The following ARMC9 variants were observed in gnomAD, a reference collection of about 807,000 sequenced individuals.
The protein encoded by ARMC9 is armadillo repeat containing 9, also known as lisH domain-containing protein ARMC9.
A neutral mutation model predicts 107.0 loss-of-function variants in ARMC9; 94 were observed. That is an observed-to-expected ratio of 0.88 (90% CI 0.74 to 1.04). ARMC9 has a LOEUF of 1.04. Ranked by LOEUF, ARMC9 falls within the 50% of genes least tolerant of loss-of-function variation. The probability of loss-of-function intolerance (pLI) is 0.00; values close to 1 mark genes in which losing one functional copy is unlikely to be tolerated. For missense variants in ARMC9, 942 were observed against 1,030.1 expected, an observed-to-expected ratio of 0.91 and a Z score of 1.17; for synonymous variants, 380 against 396.9, an observed-to-expected ratio of 0.96 and a Z score of 0.51.
At chr2:231,222,947 A>AT in intron 6 of ARMC9, 127 bp downstream of exon 6, 1 of 571,340 alleles carries the variant, frequency 1.8e-6, no homozygotes. Context: ...TTGCTTTCAT[A>AT]TTTACAAGGT....
At chr2:231,250,790 A>G (rs2037232664) in intron 9 of ARMC9, among the ~76,000 whole-genome samples, 1 of 152,120 alleles carries the variant, frequency 6.6e-6, no homozygotes, top group Non-Finnish European at 1.5e-5. Flanking sequence ...GCTGGAGGAG[A>G]GACCTGAAGC....
intron 19 of ARMC9, among the ~76,000 whole-genome samples, chr2:231,306,761 A>T (rs141028816): frequency 6.6e-6 from 1 of 152,316 alleles, no homozygotes; most frequent in Non-Finnish European, 1.5e-5. Flanking sequence ...AGGAAAAAAA[A>T]AAAATAGAAC....
intron 9 of ARMC9, among the ~76,000 whole-genome samples, chr2:231,245,759 A>G (rs952962399): frequency 1.3e-5 from 2 of 152,126 alleles, no homozygotes; most frequent in Non-Finnish European, 2.9e-5. Context: ...GCTGTTTGTA[A>G]TGGTGTAGTA....
In ARMC9 at chr2:231,360,344, G is replaced by A. The variant is rs2045518001; in HGVS notation, c.2132-410G>A. Reference sequence around the variant, plus strand: ...GGAGCACCCTACCTCTCAGGTTGTTGGTTTTAGCAAATAAAACTACACACC... The same window carrying A: ...GGAGCACCCTACCTCTCAGGTTGTTAGTTTTAGCAAATAAAACTACACACC... On this transcript the variant is annotated intron_variant, in intron 22 of 24. Transcript: ENST00000611582. The surrounding 1 kb of genome is among the most constrained non-coding windows in gnomAD (Gnocchi z 4.7). Among the ~76,000 whole-genome samples, 4 of 150,282 alleles carry A rather than the reference G, an allele frequency of 2.7e-5. No individual in the cohort carries two copies. The highest frequency in any genetic ancestry group is 5.9e-5 in the Non-Finnish European group (4 of 68,000).
chr2:231,276,506 G>A (rs2039765944), intron 14 of ARMC9, 130 bp from the exon 15 acceptor site: 4 of 1,241,462 alleles, frequency 3.2e-6, no homozygotes, highest in Admixed American at 4.1e-5. Flanking sequence ...CTGACCTCAG[G>A]TGATCCGTCC....
At chr2:231,259,891 G>A (rs1446507058) in intron 11 of ARMC9, among the ~76,000 whole-genome samples, 1 of 152,162 alleles carries the variant, frequency 6.6e-6, no homozygotes, top group African/African-American at 2.4e-5. Flanking sequence ...AGCTACTCAG[G>A]AGACTGAGGC....
intron 17 of ARMC9, among the ~76,000 whole-genome samples, chr2:231,290,095 G>A (rs1307008341): frequency 6.6e-6 from 1 of 152,178 alleles, no homozygotes; most frequent in Non-Finnish European, 1.5e-5. Context: ...GTGTATATCT[G>A]CATACCAACA....
intron 21 of ARMC9, among the ~76,000 whole-genome samples, chr2:231,352,484 T>TA (rs1255901219): frequency 0.072 from 10,895 of 151,570 alleles, 1,163 homozygotes; most frequent in African/African-American, 0.23. Context: ...TTATTTTATT[T>TA]TTTTATTTAT....
chr2:231,320,963 AAC>A (rs1489699367), intron 19 of ARMC9, among the ~76,000 whole-genome samples: 1 of 152,206 alleles, frequency 6.6e-6, no homozygotes, highest in African/African-American at 2.4e-5. Flanking sequence ...GCAGAATCTG[AAC>A]ACCAAGAAAG....
At chr2:231,300,545 A>G (rs976989611) in intron 19 of ARMC9, among the ~76,000 whole-genome samples, 1 of 152,184 alleles carries the variant, frequency 6.6e-6, no homozygotes, top group Non-Finnish European at 1.5e-5. Flanking sequence ...GTGTTCAGTC[A>G]TCTCCTCTTC....
chr2:231,307,169 C>T (rs533396830), intron 19 of ARMC9, among the ~76,000 whole-genome samples: 4 of 152,306 alleles, frequency 2.6e-5, no homozygotes, highest in South Asian at 4.1e-4. Flanking sequence ...GGGGCAGGGG[C>T]GTGCCACACC....
In ARMC9 at chr2:231,208,247, ATTCAGGTAACATT is replaced by A; in HGVS notation, c.175_177+10del. 1 of 1,605,866 alleles carries A rather than the reference ATTCAGGTAACATT, an allele frequency of 6.2e-7. No individual in the cohort carries two copies. Among genetic ancestry groups the A allele is most frequent in the Non-Finnish European group, 8.5e-7 (1 of 1,175,600 alleles). ...TTTCAGAGACTCCAAATCATTGACA[ATTCAGGTAACATT>A]TTGCTTATTTTTCATCCCTGTAGAT... On this transcript the variant is annotated splice_donor_variant and splice_donor_5th_base_variant and coding_sequence_variant and intron_variant, in exon 3 of 25. Transcript: ENST00000611582. LOFTEE classifies it high-confidence loss of function.
intron 3 of ARMC9, among the ~76,000 whole-genome samples, chr2:231,209,418 G>T (rs2032505762): frequency 6.6e-6 from 1 of 152,166 alleles, no homozygotes; most frequent in South Asian, 2.1e-4. Context: ...ACCATTATTT[G>T]ATGTCTAAAT....
chr2:231,354,263 T>TAAAAAAAAAAAAAAAAAAAAAAA (rs759691541), intron 21 of ARMC9, among the ~76,000 whole-genome samples: 1 of 100,474 alleles, frequency 1.0e-5, no homozygotes, highest in Non-Finnish European at 1.9e-5. Context: ...CATCTCCATT[T>TAAAAAAAAAAAAAAAAAAAAAAA]AAAAAAAAAA....
At chr2:231,299,021 G>A (rs140645982) in intron 19 of ARMC9, among the ~76,000 whole-genome samples, 75 of 152,232 alleles carry the variant, frequency 4.9e-4, no homozygotes, top group Admixed American at 2.6e-3. Flanking sequence ...AAATCTGTGC[G>A]CTCACAACTT....
At chr2:231,284,188 A>G (rs986149908) in intron 17 of ARMC9, among the ~76,000 whole-genome samples, 1 of 152,178 alleles carries the variant, frequency 6.6e-6, no homozygotes, top group African/African-American at 2.4e-5. Flanking sequence ...ACAGTTGCCT[A>G]CAGTATTCAA....
intron 8 of ARMC9, among the ~76,000 whole-genome samples, chr2:231,239,032 T>TC (rs1340437265): frequency 6.6e-6 from 1 of 152,020 alleles, no homozygotes; most frequent in Non-Finnish European, 1.5e-5. Flanking sequence ...ATATGGAAGT[T>TC]CCCCCAGGTG....
At chr2:231,367,961 C>T (rs1302630999) in intron 23 of ARMC9, among the ~76,000 whole-genome samples, 7 of 144,680 alleles carry the variant, frequency 4.8e-5, no homozygotes, top group East Asian at 4.0e-4. Context: ...GCCTGGGCAA[C>T]GAGCAAAACT....
rs2046064731 is a variant in ARMC9, at chr2:231,372,622, C to T, written c.*1087C>T. On this transcript the variant is annotated 3_prime_UTR_variant, in exon 25 of 25. Coordinates refer to ENST00000611582, the MANE Select transcript of ARMC9 (RefSeq NM_001352754.2). ...CTTAGGACAGAGGAAGGATGTTTGC[C>T]TTCAGGACCAGCAAGTCACAGGTGT... The T allele has an allele frequency of 6.6e-6, 1 of 152,254 alleles. No homozygotes were observed. The allele number at this position is 152,254 out of a possible 1,614,324, so 9.4% of individuals were successfully genotyped here.
Sources: gnomAD v4.1 joint callset for allele counts (sites outside exome capture counted in the v4.1 genomes callset) on GRCh38, gnomAD v4.1.1 for gene constraint, Gnocchi (gnomAD v3.1) non-coding constraint, MANE v1.5 for transcripts, NCBI Gene and HGNC (gene_info 2026-07-23, HGNC 2026-07-21) for gene names.